BTBD1: variants seen among roughly 807,000 people sequenced by gnomAD.
BTBD1 encodes the protein BTB/POZ domain-containing protein 1.
A neutral mutation model predicts 48.0 loss-of-function variants in BTBD1; 34 were observed. That is an observed-to-expected ratio of 0.71 (90% CI 0.54 to 0.94). BTBD1 has a LOEUF of 0.94. Ranked by LOEUF, BTBD1 falls within the 40% of genes least tolerant of loss-of-function variation. The pLI is 0.00. For missense variants in BTBD1, 543 were observed against 625.6 expected (o/e 0.87, Z 1.41); for synonymous variants, 261 against 242.1 (o/e 1.08, Z -0.72).
intron 2 of BTBD1, among the ~76,000 whole-genome samples, chr15:83,052,650 A>G (rs1250995266): frequency 7.8e-6 from 1 of 127,608 alleles, no homozygotes; most frequent in Non-Finnish European, 1.7e-5. Flanking sequence ...TTTTTTTTTG[A>G]GATGGAGTCT....
rs768340758 is a variant in BTBD1, at chr15:83,056,472, C to A, written c.475G>T (p.Ala159Ser). ...MTTLYTAKKY[A>S]VPALEAHCVE... ...CAGTGTGCTTCCAAGGCTGGGACTG[C>A]GTATTTCTTGGCAGTATAAAGAGTG... The change falls in exon 2 of 8, where the codon GCA (alanine) becomes TCA (serine). Residue 159 changes from alanine to serine, a missense_variant. Ala to Ser is a moderately conservative substitution (Grantham distance 99). Transcript: ENST00000261721. The A allele has an allele frequency of 1.9e-6, 3 of 1,612,392 alleles. No homozygotes were observed. The East Asian group carries it at 6.7e-5, about 36-fold the overall frequency.
chr15:83,060,566 G>A (rs1282327748), intron 1 of BTBD1, among the ~76,000 whole-genome samples: 1 of 152,094 alleles, frequency 6.6e-6, no homozygotes, highest in Non-Finnish European at 1.5e-5. Flanking sequence ...GGCCGAGGCA[G>A]GCGGATCACC....
chr15:83,026,215 C>A (rs1363996854), intron 5 of BTBD1, among the ~76,000 whole-genome samples: 2 of 152,082 alleles, frequency 1.3e-5, no homozygotes, highest in East Asian at 1.9e-4. Flanking sequence ...TTATAAGTGG[C>A]CACTATTCTC....
chr15:83,049,582 CCT>C (rs1313196364), intron 3 of BTBD1, among the ~76,000 whole-genome samples: 6 of 150,090 alleles, frequency 4.0e-5, no homozygotes, highest in African/African-American at 1.2e-4. Context: ...TACCATATGT[CCT>C]CTCTTTTTTT....
chr15:83,031,137 CCCA>C (rs1462081797), intron 4 of BTBD1, among the ~76,000 whole-genome samples: 1 of 152,168 alleles, frequency 6.6e-6, no homozygotes, highest in African/African-American at 2.4e-5. Flanking sequence ...AGTTTACAGC[CCCA>C]CCAACAGTGT....
chr15:83,027,112 G>A (rs915676653), intron 5 of BTBD1, among the ~76,000 whole-genome samples: 2 of 152,084 alleles, frequency 1.3e-5, no homozygotes, highest in African/African-American at 2.4e-5. Flanking sequence ...CAGCACTTTG[G>A]GAGGCCAATG....
chr15:83,018,024 G>C lies in BTBD1; in HGVS notation c.*43C>G. On this transcript the variant is annotated 3_prime_UTR_variant, in exon 8 of 8. Transcript: ENST00000261721. ...GTGGCCATTTATGTTTTTGACACTA[G>C]ATTGTATGGTATTATTTAGCCAAGA... is the stretch of plus-strand genomic sequence containing the variant. 7.3e-7 allele frequency: 1 copy of C among 1,375,108 alleles called. No individual in the cohort carries two copies. The allele number at this position is 1,375,108 out of a possible 1,614,324, so 85.2% of individuals were successfully genotyped here. A position where few individuals can be genotyped will look rare whatever the true frequency, so the allele number is the denominator to read the frequency against.
At chr15:83,036,103 CA>C (rs563839312) in intron 4 of BTBD1, among the ~76,000 whole-genome samples, 19,182 of 74,872 alleles carry the variant, frequency 0.26, 1,161 homozygotes, top group Admixed American at 0.29. Flanking sequence ...GTATCATTAC[CA>C]AAAAAAAAAA....
At chr15:83,021,663 A>G (rs1271924713) in intron 5 of BTBD1, among the ~76,000 whole-genome samples, 1 of 152,002 alleles carries the variant, frequency 6.6e-6, no homozygotes, top group Non-Finnish European at 1.5e-5. Context: ...CTGAGGCAGG[A>G]GAATCGTTTG....
chr15:83,041,102 C>T (rs1192839228), intron 4 of BTBD1, among the ~76,000 whole-genome samples: 7 of 144,004 alleles, frequency 4.9e-5, no homozygotes, highest in Admixed American at 7.2e-5. Context: ...CAGTGAAATG[C>T]GTTTGTGCCA....
intron 3 of BTBD1, among the ~76,000 whole-genome samples, chr15:83,043,925 A>C (rs1438927322): frequency 6.6e-6 from 1 of 152,204 alleles, no homozygotes; most frequent in Non-Finnish European, 1.5e-5. Context: ...ATGATAGGCA[A>C]AATTAAAATA....
At chr15:83,033,561 A>T (rs2032564861) in intron 4 of BTBD1, among the ~76,000 whole-genome samples, 1 of 152,092 alleles carries the variant, frequency 6.6e-6, no homozygotes, top group South Asian at 2.1e-4. Context: ...TGTGTAGAAA[A>T]TTTTAATTTA....
intron 3 of BTBD1, among the ~76,000 whole-genome samples, chr15:83,048,171 A>G (rs2032913768): frequency 6.6e-6 from 1 of 152,200 alleles, no homozygotes; most frequent in African/African-American, 2.4e-5. Flanking sequence ...GGTATGAGAG[A>G]AAGAATAACC....
In BTBD1 at chr15:83,021,837, A is replaced by G. The variant is rs528706389; in HGVS notation, c.1056-1075T>C. Among the ~76,000 whole-genome samples, 14 of 152,158 alleles carry G rather than the reference A, an allele frequency of 9.2e-5. No individual in the cohort carries two copies. In the East Asian group the frequency reaches 2.5e-3, roughly 27 times the overall value. ...TGTCTTACATTGCAAAATTACATTG[A>G]GTAACTCTCAACATTGTCAGCAACA... is the stretch of plus-strand genomic sequence containing the variant. On this transcript the variant is annotated intron_variant, in intron 5 of 7. Coordinates refer to ENST00000261721, the MANE Select transcript of BTBD1 (RefSeq NM_025238.4).
At chr15:83,043,070 GA>G (rs2032799472) in intron 3 of BTBD1, among the ~76,000 whole-genome samples, 4 of 152,188 alleles carry the variant, frequency 2.6e-5, no homozygotes, top group African/African-American at 9.6e-5. Context: ...TCGAGCCTGG[GA>G]GGTTGCAGGC....
At chr15:83,049,424 G>A (rs1306104778) in intron 3 of BTBD1, among the ~76,000 whole-genome samples, 1 of 152,126 alleles carries the variant, frequency 6.6e-6, no homozygotes, top group African/African-American at 2.4e-5. Context: ...GACCTACTGT[G>A]CTATCCATTC....
chr15:83,046,522 G>T (rs775578190), intron 3 of BTBD1, among the ~76,000 whole-genome samples: 3 of 152,104 alleles, frequency 2.0e-5, no homozygotes, highest in Non-Finnish European at 4.4e-5. Flanking sequence ...CCTGTACAAG[G>T]CACATACTTC....
intron 5 of BTBD1, among the ~76,000 whole-genome samples, chr15:83,027,421 G>C (rs532295686): frequency 6.6e-6 from 1 of 152,192 alleles, no homozygotes; most frequent in South Asian, 2.1e-4. Context: ...AGAAAACAGA[G>C]TTTGGAAGTG....
chr15:83,018,244 T>C lies in BTBD1; in HGVS notation c.1291-19A>G, dbSNP rs774759737. The C allele has an allele frequency of 3.9e-6, 6 of 1,526,974 alleles. No homozygotes were observed. In the East Asian group the frequency reaches 1.4e-4, roughly 36 times the overall value. The allele number at this position is 1,526,974 out of a possible 1,614,324, so 94.6% of individuals were successfully genotyped here. On this transcript the variant is annotated intron_variant, in intron 7 of 7. Coordinates refer to ENST00000261721, the MANE Select transcript of BTBD1 (RefSeq NM_025238.4). ...CTGGACCCTAAATGAGAACAAAAGGTTCCTTAGTAATTTTCATTTAATAAG... is the reference window on the plus strand; with the variant it reads ...CTGGACCCTAAATGAGAACAAAAGGCTCCTTAGTAATTTTCATTTAATAAG...
Sources: allele counts gnomAD v4.1 joint callset (sites outside exome capture counted in the v4.1 genomes callset), GRCh38; gene constraint gnomAD v4.1.1; transcripts MANE v1.5; gene names NCBI Gene and HGNC (gene_info 2026-07-23, HGNC 2026-07-21).